Variants in NADSYN1 observed in about 807,000 individuals in gnomAD.
NADSYN1 encodes the protein glutamine-dependent NAD(+) synthetase.
A neutral mutation model predicts 99.3 loss-of-function variants in NADSYN1; 80 were observed. That is an observed-to-expected ratio of 0.81 (90% confidence interval 0.67 to 0.97). NADSYN1 has a LOEUF of 0.97. Among genes scored for constraint, NADSYN1 ranks in the 50% least tolerant of loss-of-function variants. The pLI, the probability that NADSYN1 is intolerant of heterozygous loss-of-function variation, is 0.00. For synonymous variants in NADSYN1, 385 were observed against 372.1 expected (o/e 1.03, Z -0.40); for missense variants, 859 against 948.5 (o/e 0.91, Z 1.24).
At chr11:71,458,587 G>A (rs767587085) in intron 3 of NADSYN1, 43 bp downstream of exon 3, 1 of 1,463,088 alleles carries the variant, frequency 6.8e-7, no homozygotes, top group South Asian at 1.1e-5. Context: ...CTGGGACAAA[G>A]GCAAGCTCAA....
chr11:71,476,752 G>C, intron 9 of NADSYN1: 1 of 985,842 alleles, frequency 1.0e-6, no homozygotes, highest in Non-Finnish European at 1.2e-6. Flanking sequence ...ATTGGTGGTC[G>C]TGTTGATTGG....
At chr11:71,477,402 A>C (rs1053595753) in intron 9 of NADSYN1, 2 of 1,289,678 alleles carry the variant, frequency 1.6e-6, no homozygotes, top group Non-Finnish European at 2.0e-6. Context: ...AGGATGCGTG[A>C]ATCGGTCTCC....
intron 10 of NADSYN1, chr11:71,479,616 T>C (rs534931306): frequency 6.6e-6 from 1 of 152,358 alleles, no homozygotes; most frequent in East Asian, 1.9e-4. Context: ...TGGATTTGCC[T>C]ATTCTCGACG....
chr11:71,497,031 A>G (rs1037963596), intron 18 of NADSYN1: 1 of 202,304 alleles, frequency 4.9e-6, no homozygotes, highest in Non-Finnish European at 1.0e-5. Flanking sequence ...TGCACACACC[A>G]CCACACCCAG....
rs576509348 is a variant in NADSYN1, at chr11:71,463,965, C to T, written c.318-88C>T. 1.1e-4 allele frequency: 124 copies of T among 1,095,362 alleles called. No homozygotes were observed. In the East Asian group the frequency reaches 3.1e-3, roughly 27 times the overall value. The allele number at this position is 1,095,362 out of a possible 1,614,324, so 67.9% of individuals were successfully genotyped here. A position where few individuals can be genotyped will look rare whatever the true frequency, so the allele number is the denominator to read the frequency against. On this transcript the variant is annotated intron_variant, in intron 4 of 20. Transcript: ENST00000319023. The stretch of plus-strand genomic sequence containing the variant: ...TTCTCAAGCTGACTCTGCATGGCAT[C>T]ACCTCGTCACTTGGTGGCACTGACC...
At chr11:71,469,927 G>GAAAAAAAAA (rs749801544) in intron 5 of NADSYN1, among the ~76,000 whole-genome samples, 14 of 109,180 alleles carry the variant, frequency 1.3e-4, no homozygotes, top group South Asian at 4.0e-4. Context: ...GCCTGTCTCA[G>GAAAAAAAAA]AAAAAAAAAA....
intron 2 of NADSYN1, among the ~76,000 whole-genome samples, chr11:71,457,344 T>C (rs2120391423): frequency 6.6e-6 from 1 of 152,348 alleles, no homozygotes; most frequent in East Asian, 1.9e-4. Flanking sequence ...TCACAATTGC[T>C]GGTTTTGGGG....
chr11:71,500,386 C>CCG (rs1949849585), intron 20 of NADSYN1, among the ~76,000 whole-genome samples: 1 of 151,776 alleles, frequency 6.6e-6, no homozygotes, highest in Non-Finnish European at 1.5e-5. Flanking sequence ...CCGTTGACCC[C>CCG]CCGAGGAGAC....
chr11:71,491,671 C>T (rs75165647), intron 17 of NADSYN1, among the ~76,000 whole-genome samples, 163 bp from the exon 18 acceptor site: 12,642 of 152,230 alleles, frequency 0.083, 626 homozygotes, highest in African/African-American at 0.14. Flanking sequence ...GATGCTCACC[C>T]CCGCTGGAAA....
chr11:71,485,197 T>C, intron 15 of NADSYN1: 1 of 186,334 alleles, frequency 5.4e-6, no homozygotes, highest in African/African-American at 2.4e-5. Flanking sequence ...GGGTGGCCTC[T>C]CCCCTCCTGC....
intron 1 of NADSYN1, among the ~76,000 whole-genome samples, chr11:71,454,367 A>G (rs1236814196): frequency 1.3e-5 from 2 of 152,054 alleles, no homozygotes; most frequent in African/African-American, 4.8e-5. Context: ...GTCTGCCACC[A>G]TGCATGGCCA....
chr11:71,478,550 G>C (rs1949685028), intron 10 of NADSYN1, 81 bp downstream of exon 10: 1 of 1,290,122 alleles, frequency 7.8e-7, no homozygotes, highest in Non-Finnish European at 1.1e-6. Context: ...CCTGGTGGAG[G>C]CCGTGAGGGT....
At position 71,478,470 on chromosome 11, in the gene NADSYN1, G is replaced by A; in HGVS notation, c.873+1G>A. On this transcript the variant is annotated splice_donor_variant, in intron 10 of 20. Transcript: ENST00000319023. LOFTEE classifies it high-confidence loss of function. ...GGAGATTTCATCTCGAAACCTGGCG[G>A]TGAGTGCTCCAGTAGACACCTGTGT... is the stretch of plus-strand genomic sequence containing the variant. 1 of 1,600,260 alleles carries A rather than the reference G, an allele frequency of 6.2e-7. No homozygotes were observed. Among genetic ancestry groups the A allele is most frequent in the South Asian group, 1.1e-5 (1 of 88,500 alleles).
At chr11:71,482,749 G>A in intron 13 of NADSYN1, 100 bp from the exon 14 acceptor site, 1 of 1,394,540 alleles carries the variant, frequency 7.2e-7, no homozygotes, top group African/African-American at 1.4e-5. Flanking sequence ...AGACCGGGGT[G>A]GAGCCGCATG....
At position 71,472,389 on chromosome 11, in the gene NADSYN1, C is replaced by T. The variant is rs1005330530; in HGVS notation, c.408-60C>T. The T allele has an allele frequency of 2.0e-5, 27 of 1,383,498 alleles. No homozygotes were observed. The Middle Eastern group carries it at 8.7e-4, about 45-fold the overall frequency. 85.7% of individuals were successfully genotyped at this position (1,383,498 alleles called of 1,614,324 possible). ...AGTTTGAGTTTTGTTTAAATGTAGCCGCCATTCCTCATTTGTCCTGAGATG... is the reference window on the plus strand; with the variant it reads ...AGTTTGAGTTTTGTTTAAATGTAGCTGCCATTCCTCATTTGTCCTGAGATG... On this transcript the variant is annotated intron_variant, in intron 5 of 20. Coordinates refer to ENST00000319023, the MANE Select transcript of NADSYN1 (RefSeq NM_018161.5).
chr11:71,458,757 T>G, intron 3 of NADSYN1: 1 of 530,602 alleles, frequency 1.9e-6, no homozygotes, highest in African/African-American at 1.9e-5. Flanking sequence ...AAGCAGGATG[T>G]GTCAGTTCTT....
At chr11:71,477,321 G>A (rs934687530) in intron 9 of NADSYN1, 32 of 1,284,772 alleles carry the variant, frequency 2.5e-5, no homozygotes, top group Non-Finnish European at 3.1e-5. Context: ...GGCTTCACAC[G>A]GACCGTGGCT....
chr11:71,481,867 A>T lies in NADSYN1; in HGVS notation c.1048-56A>T, dbSNP rs891354257. ...TCTATGGGTGGAGCTTGGCTGATCC[A>T]TGGGCATGCTGCTTCTCCGAGGCTC... On this transcript the variant is annotated intron_variant, in intron 12 of 20. Transcript: ENST00000319023. The T allele has an allele frequency of 2.6e-6, 4 of 1,513,014 alleles. No individual in the cohort carries two copies. In the African/African-American group the frequency reaches 4.1e-5, roughly 16 times the overall value. The allele number at this position is 1,513,014 out of a possible 1,614,324, so 93.7% of individuals were successfully genotyped here.
chr11:71,483,121 G>C, intron 14 of NADSYN1, 104 bp downstream of exon 14: 1 of 1,370,330 alleles, frequency 7.3e-7, no homozygotes, highest in Non-Finnish European at 1.0e-6. Context: ...CATTCATTCC[G>C]CATCGTGTCA....
Sources: allele counts gnomAD v4.1 joint callset (sites outside exome capture counted in the v4.1 genomes callset), GRCh38; gene constraint gnomAD v4.1.1; transcripts MANE v1.5; gene names NCBI Gene and HGNC (gene_info 2026-07-23, HGNC 2026-07-21).